Variants in TRHDE observed in about 807,000 individuals in gnomAD.
TRHDE encodes the protein thyrotropin-releasing hormone-degrading ectoenzyme.
Under a neutral mutation model 125.7 loss-of-function variants are expected in TRHDE, and 72 were observed. The ratio of observed to expected loss-of-function variants is 0.57; its 90% confidence interval spans 0.47 to 0.70. TRHDE has a LOEUF of 0.70. Ranked by LOEUF, TRHDE falls within the 30% of genes least tolerant of loss-of-function variation. TRHDE has a pLI of 0.00. For missense variants in TRHDE, 1,110 were observed against 1,327.1 expected (o/e 0.84, Z 2.54); for synonymous variants, 509 against 509.1 (o/e 1.00, Z 0.00).
chr12:72,135,549 GTTT>G (rs202197870), intron 2 of TRHDE, among the ~76,000 whole-genome samples: 1 of 140,422 alleles, frequency 7.1e-6, no homozygotes. Flanking sequence ...GTGTAAACAT[GTTT>G]TTTTTTTTTT....
chr12:72,614,324 A>AT (rs1460643879), intron 12 of TRHDE, among the ~76,000 whole-genome samples: 4 of 10,268 alleles, frequency 3.9e-4, no homozygotes, highest in South Asian at 3.4e-3. Context: ...ATATATATAT[A>AT]TATATATTTT....
chr12:72,523,398 T>C (rs1868281670), intron 6 of TRHDE, among the ~76,000 whole-genome samples: 1 of 152,134 alleles, frequency 6.6e-6, no homozygotes. Context: ...TGCTGCCACA[T>C]ACAAAAAGCT....
intron 2 of TRHDE, among the ~76,000 whole-genome samples, chr12:72,151,423 G>T (rs1238093818): frequency 4.6e-5 from 7 of 152,214 alleles, no homozygotes; most frequent in East Asian, 1.9e-4. Flanking sequence ...GTCAATTTTG[G>T]CTTCTGTTGC....
At chr12:72,514,626 T>G (rs574315036) in intron 6 of TRHDE, among the ~76,000 whole-genome samples, 1 of 151,918 alleles carries the variant, frequency 6.6e-6, no homozygotes, top group South Asian at 2.1e-4. Flanking sequence ...ACTTACTTTT[T>G]CTTTTTTTTT....
intron 2 of TRHDE, among the ~76,000 whole-genome samples, chr12:72,261,025 T>C (rs955236108): frequency 3.9e-5 from 6 of 152,318 alleles, no homozygotes; most frequent in Non-Finnish European, 7.4e-5. Context: ...CATTTCTAGA[T>C]ACTACTTTTA....
chr12:72,522,390 A>G (rs955909432), intron 6 of TRHDE, among the ~76,000 whole-genome samples: 5 of 152,220 alleles, frequency 3.3e-5, no homozygotes, highest in Non-Finnish European at 1.5e-5. Flanking sequence ...TAGTGCAGTG[A>G]CTGGCAGATA....
chr12:72,643,478 C>A (rs1221212699), intron 15 of TRHDE, among the ~76,000 whole-genome samples: 2 of 152,140 alleles, frequency 1.3e-5, no homozygotes, highest in Admixed American at 6.5e-5. Flanking sequence ...GCTACAGATA[C>A]AAATATAGAA....
At position 72,250,715 on chromosome 12, in the gene TRHDE, C is replaced by T. The variant is rs568341079; in HGVS notation, n.280-127280C>T. Among the ~76,000 whole-genome samples the T allele has an allele frequency of 2.0e-5, 3 of 151,648 alleles. No homozygotes were observed. In the East Asian group the frequency reaches 5.8e-4, roughly 29 times the overall value. ...TCAGAGTAGATCTGAGGATTTCTTTCCCTTTGGCCAGAGAAAAGGCCAGAG... is the reference window on the plus strand; with the variant it reads ...TCAGAGTAGATCTGAGGATTTCTTTTCCTTTGGCCAGAGAAAAGGCCAGAG... On this transcript the variant is annotated intron_variant and non_coding_transcript_variant, in intron 2 of 4. Coordinates refer to the TRHDE transcript ENST00000548156.
At position 72,273,806 on chromosome 12, in the gene TRHDE, C is replaced by T; in HGVS notation, c.914+249C>T. 2 of 482,074 alleles carry T rather than the reference C, an allele frequency of 4.1e-6. No individual in the cohort carries two copies. The highest frequency in any genetic ancestry group is 7.4e-6 in the Non-Finnish European group (2 of 269,540). The allele number at this position is 482,074 out of a possible 1,614,324, so 29.9% of individuals were successfully genotyped here. ...GATGAATGCTGCCCCCTCCTCTAGT[C>T]GGGACCTCTCCTCTTCCTGTCAGAG... On this transcript the variant is annotated intron_variant, in intron 1 of 18. Coordinates refer to ENST00000261180, the MANE Select transcript of TRHDE (RefSeq NM_013381.3). This position sits in a 1 kb window ranked among gnomAD's most constrained non-coding sequence, Gnocchi z 5.3.
At chr12:72,238,300 A>ATG in intron 2 of TRHDE, among the ~76,000 whole-genome samples, 2 of 35,676 alleles carry the variant, frequency 5.6e-5, no homozygotes, top group East Asian at 1.5e-3. Flanking sequence ...ATATATATAT[A>ATG]TATATATATA....
chr12:72,442,816 G>T (rs1875081257), intron 3 of TRHDE, among the ~76,000 whole-genome samples: 1 of 151,754 alleles, frequency 6.6e-6, no homozygotes, highest in Admixed American at 6.6e-5. Flanking sequence ...CCTTCACCTT[G>T]CTGCCTTCAT....
intron 2 of TRHDE, among the ~76,000 whole-genome samples, chr12:72,144,610 A>G (rs1329911865): frequency 6.6e-6 from 1 of 152,044 alleles, no homozygotes; most frequent in African/African-American, 2.4e-5. Context: ...CAAGATTTTC[A>G]TTGTTTTCCA....
chr12:72,506,839 C>T (rs765128944), intron 6 of TRHDE, among the ~76,000 whole-genome samples: 5 of 152,060 alleles, frequency 3.3e-5, no homozygotes, highest in Non-Finnish European at 5.9e-5. Flanking sequence ...ACTGTTGCCA[C>T]CAGATAAGGT....
At chr12:72,638,992 C>T (rs912697695) in intron 15 of TRHDE, among the ~76,000 whole-genome samples, 17 of 151,106 alleles carry the variant, frequency 1.1e-4, no homozygotes, top group African/African-American at 2.4e-4. Context: ...CTTGGAGTTG[C>T]TCTTCTCGAG....
chr12:72,356,506 A>C (rs1033060063), intron 2 of TRHDE, among the ~76,000 whole-genome samples: 4 of 151,440 alleles, frequency 2.6e-5, no homozygotes, highest in Non-Finnish European at 3.0e-5. Context: ...CTATATAACA[A>C]ACCTGCACAT....
chr12:72,459,523 AC>A (rs1414914494), intron 3 of TRHDE, among the ~76,000 whole-genome samples: 1 of 152,190 alleles, frequency 6.6e-6, no homozygotes, highest in Non-Finnish European at 1.5e-5. Flanking sequence ...AACTAGTCAG[AC>A]CACCACTGTT....
At chr12:72,148,241 C>T (rs557071227) in intron 2 of TRHDE, among the ~76,000 whole-genome samples, 82 of 152,186 alleles carry the variant, frequency 5.4e-4, no homozygotes, top group Middle Eastern at 3.4e-3. Context: ...AAGGTGAGAC[C>T]CTCAAGTGAC....
chr12:72,313,873 G>A (rs7962187), intron 2 of TRHDE, among the ~76,000 whole-genome samples: 46,559 of 152,060 alleles, frequency 0.31, 7,374 homozygotes, highest in African/African-American at 0.38. Context: ...AACAAAGATT[G>A]GGCAAGTTTC....
At chr12:72,264,181 C>T (rs1176835102) in intron 2 of TRHDE, 3 of 151,974 alleles carry the variant, frequency 2.0e-5, no homozygotes, top group African/African-American at 7.2e-5. Flanking sequence ...TAACACATTT[C>T]TTGTGTGTCT....
Sources: allele counts gnomAD v4.1 joint callset (sites outside exome capture counted in the v4.1 genomes callset), GRCh38; gene constraint gnomAD v4.1.1; non-coding constraint Gnocchi (gnomAD v3.1); transcripts MANE v1.5; gene names NCBI Gene and HGNC (gene_info 2026-07-23, HGNC 2026-07-21).